The following FCGR3B variants were observed in gnomAD, a reference collection of about 807,000 sequenced individuals.
FCGR3B encodes the protein Fc gamma receptor IIIb, also known as low affinity immunoglobulin gamma Fc region receptor III-B.
FCGR3B carries 20 observed loss-of-function variants against 26.7 expected under a neutral mutation model. The observed-to-expected ratio is 0.75, with a 90% CI of 0.53 to 1.09. FCGR3B has a LOEUF of 1.09. FCGR3B is among the 50% of genes least tolerant of loss of function. The pLI, the probability that FCGR3B is intolerant of heterozygous loss-of-function variation, is 0.00. For synonymous variants in FCGR3B, 79 were observed against 107.0 expected (o/e 0.74, Z 1.62); for missense variants, 191 against 279.7 (o/e 0.68, Z 2.26).
rs1165431849 is a variant in FCGR3B at position 161,631,160 on chromosome 1, G to T, written c.-66C>A. 6 of 1,607,450 alleles carry T rather than the reference G, an allele frequency of 3.7e-6. No homozygotes were observed. Among genetic ancestry groups the T allele is most frequent in the Non-Finnish European group, 5.1e-6 (6 of 1,177,128 alleles). ...AGCCCTAAAGGGACCAAGCCGACTA[G>T]ACAGGAGGGAGTAAACAGCCTTTCC... On this transcript the variant is annotated 5_prime_UTR_variant, in exon 1 of 5. Coordinates refer to ENST00000650385, the MANE Select transcript of FCGR3B (RefSeq NM_001244753.2).
Position 161,623,642 on chromosome 1 carries a change from G to A in FCGR3B, c.*873C>T, listed in dbSNP as rs1429440336. The stretch of plus-strand genomic sequence containing the variant: ...CTTTCTTCTCAGGCTTTCTCATTCT[G>A]ATGCTGAGATAGTTCTGTTCACTTA... On this transcript the variant is annotated 3_prime_UTR_variant, in exon 5 of 5. Coordinates refer to ENST00000650385, the MANE Select transcript of FCGR3B (RefSeq NM_001244753.2). 1 of 148,558 alleles carries A rather than the reference G, an allele frequency of 6.7e-6. No individual in the cohort carries two copies. The highest frequency in any genetic ancestry group is 1.5e-5 in the Non-Finnish European group (1 of 67,366). The allele number at this position is 148,558 out of a possible 1,614,324, so 9.2% of individuals were successfully genotyped here.
intron 3 of FCGR3B, among the ~76,000 whole-genome samples, chr1:161,628,098 C>G (rs1316071577): frequency 2.0e-5 from 3 of 149,606 alleles, no homozygotes; most frequent in Non-Finnish European, 3.0e-5. Flanking sequence ...GCCGTGAAAC[C>G]CTGTCTCTAC....
rs1455507982 is a variant in FCGR3B at position 161,623,368 on chromosome 1, T to TCA, written c.*1145_*1146dup. On this transcript the variant is annotated 3_prime_UTR_variant, in exon 5 of 5. Transcript: ENST00000650385. Reference sequence around the variant, plus strand: ...AACAATTGTCTTCTCCATCCCCACCTCATTGGAACTGACATGAAGAAGGAT... The same window carrying TCA: ...AACAATTGTCTTCTCCATCCCCACCTCACATTGGAACTGACATGAAGAAGGAT... The TCA allele has an allele frequency of 6.6e-6, 1 of 150,448 alleles. No individual in the cohort carries two copies. Among genetic ancestry groups the TCA allele is most frequent in the East Asian group, 1.9e-4 (1 of 5,304 alleles). 9.3% of individuals were successfully genotyped at this position (150,448 alleles called of 1,614,324 possible).
intron 3 of FCGR3B, among the ~76,000 whole-genome samples, chr1:161,627,127 A>G (rs188116207): frequency 1.3e-5 from 2 of 150,332 alleles, no homozygotes; most frequent in Admixed American, 6.6e-5. Flanking sequence ...AAGAGAGAAC[A>G]TGAGGTCATG....
chr1:161,627,426 T>G (rs1679520404), intron 3 of FCGR3B, among the ~76,000 whole-genome samples: 1 of 150,446 alleles, frequency 6.6e-6, no homozygotes, highest in Non-Finnish European at 1.5e-5. Flanking sequence ...ACTGTAATTT[T>G]ATTTTTTAAA....
Position 161,629,887 on chromosome 1 carries a change from C to A in FCGR3B, c.210G>T (p.Gln70His). ...CAGCGTCAATGAAGTAGCTCGAGGC[C>A]TGGCTTGAGATGAGGTTCTCATTGT... ...WFHNENLISSQASSYFIDAAT... is the reference protein window; with the variant it reads ...WFHNENLISSHASSYFIDAAT... The change falls in exon 3 of 5, where the codon CAG becomes CAT. Residue 70 changes from glutamine (Q) to histidine (H), a missense_variant. Gln to His is a conservative substitution (Grantham distance 24, BLOSUM62 0). This residue lies in a region of FCGR3B where 88 missense variants were observed against 165.2 expected (regional missense o/e 0.53). Coordinates refer to ENST00000650385, the MANE Select transcript of FCGR3B (RefSeq NM_001244753.2). The A allele has an allele frequency of 6.7e-7, 1 of 1,499,586 alleles. No individual in the cohort carries two copies. Among genetic ancestry groups the A allele is most frequent in the Non-Finnish European group, 8.8e-7 (1 of 1,134,122 alleles). The allele number at this position is 1,499,586 out of a possible 1,614,324, so 92.9% of individuals were successfully genotyped here. A position where few individuals can be genotyped will look rare whatever the true frequency, so the allele number is the denominator to read the frequency against.
At position 161,626,226 on chromosome 1, in the gene FCGR3B, C is replaced by T. The variant is rs1296007755; in HGVS notation, c.496G>A (p.Asp166Asn). The T allele has an allele frequency of 6.2e-7, 1 of 1,608,712 alleles. No homozygotes were observed. Residue 166 changes from aspartate to asparagine, a missense_variant, in exon 4 of 5, where the codon GAT (aspartate) becomes AAT (asparagine). By Grantham distance (23) the Asp-to-Asn change is conservative. Coordinates refer to ENST00000650385, the MANE Select transcript of FCGR3B (RefSeq NM_001244753.2). The part of the protein sequence containing the change: ...DFHIPKATLK[D>N]SGSYFCRGLV... ...CCCCTGCAGAAGTAGGAGCCGCTATCTTTGAGTGTGGCTTTTGGAATGTGG... is the reference window on the plus strand; with the variant it reads ...CCCCTGCAGAAGTAGGAGCCGCTATTTTTGAGTGTGGCTTTTGGAATGTGG...
rs754380403 is a variant in FCGR3B, at chr1:161,624,591, A to G, written c.626T>C (p.Val209Ala). ...GAGTACCATCACCAAGCAGAAAGAGACTTGGTACCCAGGTGGAGAGAATGA... is the reference window on the plus strand; with the variant it reads ...GAGTACCATCACCAAGCAGAAAGAGGCTTGGTACCCAGGTGGAGAGAATGA... ...ISSFSPPGYQ[V>A]SFCLVMVLLF... is the part of the protein sequence containing the mutation. The change falls in exon 5 of 5, where the codon GTC (valine) becomes GCC (alanine). Residue 209 changes from valine to alanine, a missense_variant. Physicochemically the swap from Val to Ala is moderately conservative, Grantham distance 64. Around this residue, in one of 2 missense-constraint regions of FCGR3B, gnomAD observed 103 missense variants for 114.5 expected, o/e 0.90. Transcript: ENST00000650385. 4 of 1,606,252 alleles carry G rather than the reference A, an allele frequency of 2.5e-6. No homozygotes were observed. The highest frequency in any genetic ancestry group is 3.4e-6 in the Non-Finnish European group (4 of 1,176,390).
intron 3 of FCGR3B, among the ~76,000 whole-genome samples, chr1:161,627,400 G>A (rs1376172488): frequency 6.7e-6 from 1 of 150,080 alleles, no homozygotes; most frequent in Non-Finnish European, 1.5e-5. Context: ...AACGTAATAA[G>A]AGCAAAACTA....
chr1:161,628,849 A>T (rs1329833077), intron 3 of FCGR3B, among the ~76,000 whole-genome samples: 1 of 144,802 alleles, frequency 6.9e-6, no homozygotes, highest in Non-Finnish European at 1.5e-5. Flanking sequence ...CCTGCCTTCA[A>T]AATATTTCTC....
At position 161,630,395 on chromosome 1, in the gene FCGR3B, G is replaced by A. The variant is rs1277712565; in HGVS notation, c.41-7C>T. 2 of 1,605,580 alleles carry A rather than the reference G, an allele frequency of 1.2e-6. 1 individual carries two copies. The highest frequency in any genetic ancestry group is 2.8e-5 in the African/African-American group (2 of 72,662). On this transcript the variant is annotated splice_polypyrimidine_tract_variant and splice_region_variant and intron_variant, in intron 1 of 4. Transcript: ENST00000650385. ...GTCCGCATGCCAGCTGAAACTGCAA[G>A]AAAAAAGAGTAAATCAAATATTGAG...
chr1:161,631,256 G>A (rs1679737946), upstream of FCGR3B: 6 of 1,511,994 alleles, frequency 4.0e-6, no homozygotes, highest in East Asian at 1.4e-4. Flanking sequence ...TTCTCAATCT[G>A]AAGTCTCGCA....
chr1:161,624,806 G>C (rs1397495325), intron 4 of FCGR3B, among the ~76,000 whole-genome samples, 167 bp from the exon 5 acceptor site: 2 of 148,354 alleles, frequency 1.3e-5, no homozygotes, highest in Non-Finnish European at 3.0e-5. Context: ...ATTGGTTCCT[G>C]ATCTTAGTGC....
At chr1:161,627,427 AT>A (rs1358351561) in intron 3 of FCGR3B, among the ~76,000 whole-genome samples, 4 of 150,394 alleles carry the variant, frequency 2.7e-5, no homozygotes, top group South Asian at 2.1e-4. Flanking sequence ...CTGTAATTTT[AT>A]TTTTTAAATC....
intron 1 of FCGR3B, chr1:161,630,817 T>C: frequency 7.6e-6 from 7 of 923,150 alleles, no homozygotes; most frequent in Non-Finnish European, 1.1e-5. Flanking sequence ...CACATAGTGA[T>C]TCTGGGACCC....
At position 161,631,085 on chromosome 1, in the gene FCGR3B, G is replaced by A. The variant is rs1271845437; in HGVS notation, c.10C>T (p.Leu4=). The A allele has an allele frequency of 6.2e-7, 1 of 1,607,078 alleles. No homozygotes were observed. Among genetic ancestry groups the A allele is most frequent in the Non-Finnish European group, 8.5e-7 (1 of 1,177,314 alleles). Residue 4 remains leucine, a synonymous_variant, in exon 1 of 5, where the codon CTG becomes TTG. Transcript: ENST00000650385. MWQ[L]LLPTALLLLV... ...AGTAGCAGAGCAGTTGGGAGGAGCA[G>A]CTGCCACATGATGCCACACTGGAGT... is the stretch of plus-strand genomic sequence containing the variant.
Position 161,629,978 on chromosome 1 carries a change from T to C in FCGR3B, c.119A>G (p.Lys40Arg), listed in dbSNP as rs1271153873. The C allele has an allele frequency of 1.5e-6, 2 of 1,377,548 alleles. No individual in the cohort carries two copies. The highest frequency in any genetic ancestry group is 2.2e-5 in the Admixed American group (1 of 44,954). 85.3% of individuals were successfully genotyped at this position (1,377,548 alleles called of 1,614,324 possible). A position where few individuals can be genotyped will look rare whatever the true frequency, so the allele number is the denominator to read the frequency against. Residue 40 changes from lysine (K) to arginine (R), a missense_variant, in exon 3 of 5, where the codon AAG (lysine) becomes AGG (arginine). Lys to Arg is a conservative substitution (Grantham distance 26). Coordinates refer to ENST00000650385, the MANE Select transcript of FCGR3B (RefSeq NM_001244753.2). ...LEPQWYSVLE[K>R]DSVTLKCQGA... ...CTGGCACTTCAGAGTCACACTGTCCTTCTCAAGCACGCTGTACCATTGAGG... is the reference window on the plus strand; with the variant it reads ...CTGGCACTTCAGAGTCACACTGTCCCTCTCAAGCACGCTGTACCATTGAGG...
chr1:161,626,385 C>T lies in FCGR3B; in HGVS notation c.337G>A (p.Ala113Thr). The T allele has an allele frequency of 6.2e-7, 1 of 1,609,190 alleles. No homozygotes were observed. Among genetic ancestry groups the T allele is most frequent in the Admixed American group, 1.7e-5 (1 of 59,622 alleles). ...TCCTCCTTGAACACCCACCGAGGGG[C>T]CTGGAGCAACAGCCAGCCTGAAAGA... Reference protein sequence around the residue: ...EVHIGWLLLQAPRWVFKEEDP... With the variant: ...EVHIGWLLLQTPRWVFKEEDP... Residue 113 changes from alanine to threonine, a missense_variant, in exon 4 of 5, where the codon GCC becomes ACC. By Grantham distance (58) the Ala-to-Thr change is moderately conservative (BLOSUM62 0). Coordinates refer to ENST00000650385, the MANE Select transcript of FCGR3B (RefSeq NM_001244753.2).
At chr1:161,630,769 C>G (rs1570988448) in intron 1 of FCGR3B, 1 of 598,964 alleles carries the variant, frequency 1.7e-6, no homozygotes, top group East Asian at 3.2e-5. Flanking sequence ...CTGAAAGAGA[C>G]AGACCCTAGG....
Sources: allele counts gnomAD v4.1 joint callset (sites outside exome capture counted in the v4.1 genomes callset), GRCh38; gene constraint gnomAD v4.1.1; regional missense constraint gnomAD v4.1.1; transcripts MANE v1.5; gene names NCBI Gene and HGNC (gene_info 2026-07-23, HGNC 2026-07-21).